SOX5: variants seen among roughly 807,000 people sequenced by gnomAD.
The protein encoded by SOX5 is SRY-box transcription factor 5.
A neutral mutation model predicts 92.0 loss-of-function variants in SOX5; 9 were observed. The ratio of observed to expected loss-of-function variants is 0.10; its 90% confidence interval spans 0.06 to 0.17. The LOEUF (loss-of-function observed/expected upper bound fraction) is 0.17. Among genes scored for constraint, SOX5 ranks in the 10% least tolerant of loss-of-function variants. The pLI is 1.00. For synonymous variants in SOX5, 344 were observed against 336.3 expected (o/e 1.02, Z -0.25); for missense variants, 642 against 944.5 (o/e 0.68, Z 4.20).
chr12:23,973,019 A>C (rs1370532526), intron 4 of SOX5, among the ~76,000 whole-genome samples: 4 of 152,148 alleles, frequency 2.6e-5, no homozygotes, highest in Non-Finnish European at 5.9e-5. Context: ...TACTCTGTTT[A>C]TATGAGATTG....
At chr12:23,697,633 C>T (rs2090059551) in intron 6 of SOX5, among the ~76,000 whole-genome samples, 1 of 152,322 alleles carries the variant, frequency 6.6e-6, no homozygotes. Flanking sequence ...TCACAGCAAC[C>T]TCTGCCTCCC....
chr12:24,221,802 G>C (rs961934988), intron 3 of SOX5, among the ~76,000 whole-genome samples: 1 of 152,236 alleles, frequency 6.6e-6, no homozygotes, highest in African/African-American at 2.4e-5. Context: ...GCAATTTTAA[G>C]CAGGGTGACT....
chr12:23,600,552 T>TATATATATATATATATATATATATAC (rs745640453), intron 9 of SOX5, among the ~76,000 whole-genome samples: 6 of 95,238 alleles, frequency 6.3e-5, no homozygotes, highest in Non-Finnish European at 1.2e-4. Flanking sequence ...TATATATATA[T>TATATATATATATATATATATATATAC]ACACATACTT....
chr12:23,953,467 G>A (rs1000926032), upstream of SOX5, among the ~76,000 whole-genome samples: 2 of 151,912 alleles, frequency 1.3e-5, no homozygotes, highest in Non-Finnish European at 2.9e-5. Context: ...GTTTGTTAAG[G>A]TTTCAAAATA....
chr12:24,278,436 G>A (rs1284996945), intron 2 of SOX5, among the ~76,000 whole-genome samples: 1 of 152,064 alleles, frequency 6.6e-6, no homozygotes, highest in Non-Finnish European at 1.5e-5. Context: ...CATCAGGCTG[G>A]GTATGATGAC....
chr12:24,528,374 C>T (rs981317305), intron 1 of SOX5, among the ~76,000 whole-genome samples: 10 of 151,964 alleles, frequency 6.6e-5, no homozygotes, highest in South Asian at 2.1e-4. Flanking sequence ...AATTTAGGGG[C>T]GTAGAATCAT....
intron 3 of SOX5, among the ~76,000 whole-genome samples, chr12:24,256,443 A>C (rs1941179107): frequency 6.6e-6 from 1 of 152,118 alleles, no homozygotes; most frequent in African/African-American, 2.4e-5. Context: ...TTGCCCTTTG[A>C]TATGGAAATC....
chr12:23,880,146 G>A (rs1169793326), intron 2 of SOX5, among the ~76,000 whole-genome samples: 1 of 152,146 alleles, frequency 6.6e-6, no homozygotes, highest in Non-Finnish European at 1.5e-5. Context: ...AATCAAAGCT[G>A]TGGACACTCT....
At chr12:24,374,737 G>A (rs7954009) in intron 1 of SOX5, among the ~76,000 whole-genome samples, 11,249 of 152,160 alleles carry the variant, frequency 0.074, 467 homozygotes, top group Middle Eastern at 0.11. Flanking sequence ...ATCCAGGAAG[G>A]ACACAGAGGT....
chr12:23,558,717 C>T (rs1041074316), intron 11 of SOX5, among the ~76,000 whole-genome samples: 1 of 152,206 alleles, frequency 6.6e-6, no homozygotes, highest in Non-Finnish European at 1.5e-5. Flanking sequence ...ATTCTCCTGC[C>T]TCAGCCTCTT....
intron 4 of SOX5, among the ~76,000 whole-genome samples, chr12:24,039,775 T>C (rs889441437): frequency 6.6e-6 from 1 of 152,178 alleles, no homozygotes; most frequent in Admixed American, 6.5e-5. Flanking sequence ...GTACCAGGAG[T>C]ATAGTTTAAA....
chr12:23,789,163 G>A (rs906559780), intron 3 of SOX5, among the ~76,000 whole-genome samples: 39 of 151,614 alleles, frequency 2.6e-4, no homozygotes, highest in African/African-American at 8.7e-4. Flanking sequence ...AAAACTGAAC[G>A]AGTGACTAGA....
At chr12:23,944,588 C>T (rs925167662) in intron 1 of SOX5, among the ~76,000 whole-genome samples, 13 of 152,112 alleles carry the variant, frequency 8.5e-5, no homozygotes, top group Admixed American at 8.5e-4. Context: ...TGGCATTCTC[C>T]TAAAGCATGT....
At chr12:24,117,327 T>C (rs913563054) in intron 4 of SOX5, among the ~76,000 whole-genome samples, 1 of 152,060 alleles carries the variant, frequency 6.6e-6, no homozygotes, top group Non-Finnish European at 1.5e-5. Flanking sequence ...TGGTGAGGAA[T>C]TGGGGAAAAG....
chr12:23,682,033 A>G (rs938360214), intron 6 of SOX5, among the ~76,000 whole-genome samples: 1 of 151,794 alleles, frequency 6.6e-6, no homozygotes, highest in Non-Finnish European at 1.5e-5. Context: ...CTCAAAAAAA[A>G]AAAATTTAGG....
chr12:23,907,418 A>G (rs1423880876), intron 1 of SOX5, among the ~76,000 whole-genome samples: 3 of 152,196 alleles, frequency 2.0e-5, no homozygotes, highest in African/African-American at 7.2e-5. Flanking sequence ...AATAATATAT[A>G]ATTCAAAACT....
intron 2 of SOX5, among the ~76,000 whole-genome samples, chr12:24,294,280 G>A (rs1017136714): frequency 6.9e-5 from 10 of 145,048 alleles, no homozygotes; most frequent in African/African-American, 2.0e-4. Flanking sequence ...TAACTCATGG[G>A]TTTTTTTTTT....
At chr12:23,652,320 T>A (rs1406389272) in intron 7 of SOX5, among the ~76,000 whole-genome samples, 1 of 152,076 alleles carries the variant, frequency 6.6e-6, no homozygotes, top group African/African-American at 2.4e-5. Context: ...ATTATCTGTT[T>A]CTGCAATAGG....
At chr12:23,619,270 T>C (rs753412961) in intron 8 of SOX5, among the ~76,000 whole-genome samples, 26 of 152,158 alleles carry the variant, frequency 1.7e-4, no homozygotes, top group Non-Finnish European at 3.5e-4. Flanking sequence ...GGACAGAGAA[T>C]AACAGCAGCA....
Sources: allele counts gnomAD v4.1 joint callset (sites outside exome capture counted in the v4.1 genomes callset), GRCh38; gene constraint gnomAD v4.1.1; transcripts MANE v1.5; gene names NCBI Gene and HGNC (gene_info 2026-07-23, HGNC 2026-07-21).